The following DHRS9 variants were observed in gnomAD, a reference collection of about 807,000 sequenced individuals.
The protein encoded by DHRS9 is dehydrogenase/reductase SDR family member 9.
In DHRS9, 18 loss-of-function variants were observed where a neutral mutation model predicts 26.6. The observed-to-expected ratio is 0.68, with a 90% CI of 0.47 to 1.00. DHRS9 has a LOEUF of 1.00. Ranked by LOEUF, DHRS9 falls within the 50% of genes least tolerant of loss-of-function variation. DHRS9 has a pLI of 0.00. For synonymous variants in DHRS9, 134 were observed against 141.1 expected, an observed-to-expected ratio of 0.95 and a Z score of 0.36; for missense variants, 425 against 378.7, an observed-to-expected ratio of 1.12 and a Z score of -1.01.
rs190006088 is a variant in DHRS9 at position 169,086,746 on chromosome 2, T to C, written c.572+3159T>C. On this transcript the variant is annotated intron_variant, in intron 3 of 4. Coordinates refer to ENST00000674881, the MANE Select transcript of DHRS9 (RefSeq NM_001376924.1). The stretch of plus-strand genomic sequence containing the variant: ...AAGCCCAGTAAGACCGTGCCTCTTG[T>C]AGGCTCATAGAGGTACCACCTTGAT... Among the ~76,000 whole-genome samples, 25 of 152,326 alleles carry C rather than the reference T, an allele frequency of 1.6e-4. No individual in the cohort carries two copies. The East Asian group carries it at 2.9e-3, about 18-fold the overall frequency.
chr2:169,089,118 C>T (rs1289083789), intron 3 of DHRS9, among the ~76,000 whole-genome samples: 2 of 152,084 alleles, frequency 1.3e-5, no homozygotes, highest in African/African-American at 2.4e-5. Flanking sequence ...AGAGAGTATG[C>T]TTAAAGGACT....
At chr2:169,067,417 G>C, upstream of DHRS9, 1 of 1,190,192 alleles carries the variant, frequency 8.4e-7, no homozygotes, top group Non-Finnish European at 1.1e-6. Flanking sequence ...ATTTGGAAAG[G>C]GGTGGAGAAG....
upstream of DHRS9, among the ~76,000 whole-genome samples, chr2:169,069,243 T>A (rs1030437232): frequency 2.0e-5 from 3 of 152,030 alleles, no homozygotes; most frequent in Non-Finnish European, 2.9e-5. Flanking sequence ...AAAATGGAGA[T>A]TATGAAGAAT....
intron 1 of DHRS9, among the ~76,000 whole-genome samples, chr2:169,076,607 G>A (rs1026842142): frequency 6.6e-6 from 1 of 152,114 alleles, no homozygotes; most frequent in African/African-American, 2.4e-5. Context: ...GTTCATTCCA[G>A]CCTCTCCTTT....
chr2:169,095,747 G>C lies in DHRS9; in HGVS notation c.940G>C (p.Ala314Pro), dbSNP rs1305255085. 6.2e-7 allele frequency: 1 copy of C among 1,613,664 alleles called. No homozygotes were observed. Residue 314 changes from alanine to proline, a missense_variant, in exon 5 of 5, where the codon GCT (alanine) becomes CCT (proline). Physicochemically the swap from Ala to Pro is conservative, Grantham distance 27 (BLOSUM62 -1). Coordinates refer to ENST00000674881, the MANE Select transcript of DHRS9 (RefSeq NM_001376924.1). Reference sequence around the variant, plus strand: ...ATTGTTGAAACAGAAAGCAGAGCTGGCTAATCCCAAGGCAGTGTGACTCAG... The same window carrying C: ...ATTGTTGAAACAGAAAGCAGAGCTGCCTAATCCCAAGGCAGTGTGACTCAG... Reference protein sequence around the residue: ...FLLLKQKAELANPKAV With the variant: ...FLLLKQKAELPNPKAV
At position 169,082,771 on chromosome 2, in the gene DHRS9, A is replaced by G. The variant is rs1054578527; in HGVS notation, c.314-558A>G. Among the ~76,000 whole-genome samples the G allele has an allele frequency of 7.2e-5, 11 of 151,820 alleles. No homozygotes were observed. The East Asian group carries it at 2.0e-3, about 27-fold the overall frequency. On this transcript the variant is annotated intron_variant, in intron 2 of 4. Coordinates refer to ENST00000674881, the MANE Select transcript of DHRS9 (RefSeq NM_001376924.1). The stretch of plus-strand genomic sequence containing the variant: ...TATATAAATATTCTCTGGCCTTACT[A>G]TCTAGCAAGGCAGGAAAAATAGATC...
upstream of DHRS9, chr2:169,067,352 T>A (rs1683674623): frequency 4.7e-6 from 7 of 1,497,904 alleles, no homozygotes; most frequent in African/African-American, 1.4e-5. Flanking sequence ...GCAGGAAGCC[T>A]AACGTATGTC....
intron 3 of DHRS9, among the ~76,000 whole-genome samples, chr2:169,089,041 G>A (rs539916372): frequency 2.6e-5 from 4 of 152,304 alleles, no homozygotes; most frequent in African/African-American, 9.6e-5. Context: ...ATCCCCTAAA[G>A]TACAAGTGGT....
At chr2:169,076,422 C>G (rs531272417) in intron 1 of DHRS9, among the ~76,000 whole-genome samples, 29 of 152,326 alleles carry the variant, frequency 1.9e-4, no homozygotes, top group African/African-American at 7.0e-4. Context: ...AACATGAACA[C>G]AATGTTTAGA....
chr2:169,095,591 T>C lies in DHRS9; in HGVS notation c.784T>C (p.Ser262Pro). The C allele has an allele frequency of 1.2e-6, 2 of 1,613,920 alleles. No individual in the cohort carries two copies. Among genetic ancestry groups the C allele is most frequent in the Non-Finnish European group, 8.5e-7 (1 of 1,179,886 alleles). ...TAAATCCTATGTGAACATGGACCTC[T>C]CTCCGGTGGTAGAGTGCATGGACCA... The part of the protein sequence containing the change: ...GNKSYVNMDL[S>P]PVVECMDHAL... Residue 262 changes from serine to proline, a missense_variant, in exon 5 of 5, where the codon TCT becomes CCT. Ser to Pro is a moderately conservative substitution (Grantham distance 74). Transcript: ENST00000674881.
chr2:169,068,226 T>C (rs935565781), upstream of DHRS9, among the ~76,000 whole-genome samples: 1 of 152,242 alleles, frequency 6.6e-6, no homozygotes, highest in African/African-American at 2.4e-5. Flanking sequence ...TGAGGTTTTA[T>C]ATTTAAGCCA....
chr2:169,081,776 A>G lies in DHRS9; in HGVS notation c.195A>G (p.Gly65=). 6.2e-7 allele frequency: 1 copy of G among 1,614,190 alleles called. No individual in the cohort carries two copies. The highest frequency in any genetic ancestry group is 1.1e-5 in the South Asian group (1 of 91,082). ...TCGCTGCCTGTCTGACTGAATCAGG[A>G]TCAACAGCTTTAAAGGCAGAAACCT... ...HVIAACLTES[G]STALKAETSE... is the part of the protein sequence containing the mutation. Residue 65 remains glycine (G), a synonymous_variant, in exon 2 of 5, where the codon GGA becomes GGG. Transcript: ENST00000674881.
At chr2:169,068,569 G>A (rs761405312), upstream of DHRS9, among the ~76,000 whole-genome samples, 3 of 152,066 alleles carry the variant, frequency 2.0e-5, no homozygotes, top group African/African-American at 7.2e-5. Context: ...CAAGTGATCC[G>A]CCCGCTTTGG....
At chr2:169,072,810 A>G (rs982004851) in intron 1 of DHRS9, 1 of 237,242 alleles carries the variant, frequency 4.2e-6, no homozygotes, top group Admixed American at 6.5e-5. Context: ...ATCTCTTTGC[A>G]GTTCTTCCTT....
upstream of DHRS9, among the ~76,000 whole-genome samples, chr2:169,068,838 G>A (rs1355732435): frequency 6.6e-6 from 1 of 152,126 alleles, no homozygotes; most frequent in Non-Finnish European, 1.5e-5. Flanking sequence ...AGTGGCTACA[G>A]TGGTGAAGGT....
At chr2:169,086,012 T>C (rs192614654) in intron 3 of DHRS9, among the ~76,000 whole-genome samples, 26 of 152,316 alleles carry the variant, frequency 1.7e-4, no homozygotes, top group African/African-American at 6.0e-4. Context: ...ATAACTTTCT[T>C]GTACTTGGAT....
intron 4 of DHRS9, among the ~76,000 whole-genome samples, chr2:169,093,959 G>C (rs1684615712): frequency 1.3e-5 from 2 of 152,210 alleles, no homozygotes. Context: ...TGGTTTAAAA[G>C]TATGTGAGAA....
At chr2:169,070,543 G>T in intron 1 of DHRS9, 1 of 985,048 alleles carries the variant, frequency 1.0e-6, no homozygotes, top group Non-Finnish European at 1.2e-6. Flanking sequence ...TATATTAACT[G>T]CTCTAAAAAT....
chr2:169,082,771 A>C (rs1054578527), intron 2 of DHRS9, among the ~76,000 whole-genome samples: 1 of 151,702 alleles, frequency 6.6e-6, no homozygotes, highest in East Asian at 1.9e-4. Flanking sequence ...TGGCCTTACT[A>C]TCTAGCAAGG....
Sources: allele counts gnomAD v4.1 joint callset (sites outside exome capture counted in the v4.1 genomes callset), GRCh38; gene constraint gnomAD v4.1.1; transcripts MANE v1.5; gene names NCBI Gene and HGNC (gene_info 2026-07-23, HGNC 2026-07-21).